RALYL: variants seen among roughly 807,000 people sequenced by gnomAD.
RALYL encodes RNA-binding Raly-like protein.
A neutral mutation model predicts 35.1 loss-of-function variants in RALYL; 29 were observed. The ratio of observed to expected loss-of-function variants is 0.83; its 90% CI spans 0.61 to 1.13. RALYL has a LOEUF of 1.13. RALYL is among the 50% of genes most tolerant of loss of function. The pLI is 0.00. For missense variants in RALYL, 359 were observed against 360.4 expected, an observed-to-expected ratio of 1.00 and a Z score of 0.03; for synonymous variants, 120 against 127.6, an observed-to-expected ratio of 0.94 and a Z score of 0.40.
intron 1 of RALYL, among the ~76,000 whole-genome samples, chr8:84,442,413 A>G (rs2048426727): frequency 6.6e-6 from 1 of 152,148 alleles, no homozygotes; most frequent in Non-Finnish European, 1.5e-5. Context: ...TCTTTATACA[A>G]CGTTTATTGT....
chr8:84,368,561 G>A (rs1376073272), intron 1 of RALYL, among the ~76,000 whole-genome samples: 28 of 151,960 alleles, frequency 1.8e-4, no homozygotes, highest in Admixed American at 1.8e-3. Context: ...ACAGTTCCAC[G>A]TAGCTGGGGA....
At chr8:84,519,878 C>G (rs1226115450) in intron 1 of RALYL, among the ~76,000 whole-genome samples, 6 of 152,136 alleles carry the variant, frequency 3.9e-5, no homozygotes, top group Non-Finnish European at 7.3e-5. Flanking sequence ...TGTTGCTGAC[C>G]AGTCACCAAA....
intron 2 of RALYL, among the ~76,000 whole-genome samples, chr8:84,572,763 C>T (rs116375917): frequency 3.8e-4 from 58 of 151,856 alleles, no homozygotes; most frequent in African/African-American, 1.3e-3. Flanking sequence ...GAAAATGATT[C>T]AGTCTTAAGA....
intron 1 of RALYL, among the ~76,000 whole-genome samples, chr8:84,275,744 C>G: frequency 6.6e-6 from 1 of 152,058 alleles, no homozygotes; most frequent in East Asian, 1.9e-4. Flanking sequence ...GAGATCAACT[C>G]TATTAGACTC....
At chr8:84,201,990 A>G (rs10098439) in intron 1 of RALYL, among the ~76,000 whole-genome samples, 50,201 of 152,004 alleles carry the variant, frequency 0.33, 8,568 homozygotes, top group Middle Eastern at 0.43. Flanking sequence ...AACAGGTGTT[A>G]GGATTTTAAT....
chr8:84,459,241 G>A (rs1275938760), intron 1 of RALYL, among the ~76,000 whole-genome samples: 1 of 151,698 alleles, frequency 6.6e-6, no homozygotes, highest in Admixed American at 6.6e-5. Flanking sequence ...ATCTAAAAGG[G>A]ACAGTTAACC....
At chr8:84,589,432 G>T (rs1403835122) in intron 2 of RALYL, among the ~76,000 whole-genome samples, 2 of 152,108 alleles carry the variant, frequency 1.3e-5, no homozygotes, top group African/African-American at 4.8e-5. Context: ...TGTATTAATA[G>T]ATTAAAACAA....
intron 2 of RALYL, among the ~76,000 whole-genome samples, chr8:84,747,263 A>G (rs1490223825): frequency 6.6e-6 from 1 of 151,872 alleles, no homozygotes; most frequent in Non-Finnish European, 1.5e-5. Flanking sequence ...TTTTATGTAA[A>G]AAAAAAATGG....
intron 4 of RALYL, among the ~76,000 whole-genome samples, chr8:84,834,240 G>A (rs1449254441): frequency 6.6e-6 from 1 of 152,162 alleles, no homozygotes; most frequent in Non-Finnish European, 1.5e-5. Flanking sequence ...GGTTGTGTCA[G>A]TCAGGATCTG....
At chr8:84,282,633 G>A (rs1836792321) in intron 1 of RALYL, among the ~76,000 whole-genome samples, 2 of 151,612 alleles carry the variant, frequency 1.3e-5, no homozygotes, top group Non-Finnish European at 2.9e-5. Flanking sequence ...TGAGGTTTTG[G>A]GATTATTCAG....
chr8:84,324,460 T>C (rs1441955996), intron 1 of RALYL, among the ~76,000 whole-genome samples: 1 of 152,094 alleles, frequency 6.6e-6, no homozygotes, highest in African/African-American at 2.4e-5. Flanking sequence ...CGTGGAGTTC[T>C]TTTGAAGAAT....
chr8:84,348,390 A>G (rs143115689), intron 1 of RALYL, among the ~76,000 whole-genome samples: 2 of 152,052 alleles, frequency 1.3e-5, no homozygotes, highest in Non-Finnish European at 2.9e-5. Flanking sequence ...TTCTACTTAC[A>G]TTGTTGCATT....
chr8:84,735,005 T>TTGTGTG lies in RALYL; in HGVS notation c.257-39546_257-39541dup, dbSNP rs3068131. Among the ~76,000 whole-genome samples, 149 of 146,654 alleles carry TTGTGTG rather than the reference T, an allele frequency of 1.0e-3. 1 individual carries two copies. The South Asian group carries it at 0.016, about 16-fold the overall frequency. The stretch of plus-strand genomic sequence containing the variant: ...AATAAAATGAAATATATAGATATGT[T>TTGTGTG]TGTGTGTGTGTGTGTGTGTGTGTGT... On this transcript the variant is annotated intron_variant, in intron 2 of 8. Transcript: ENST00000521268.
At chr8:84,693,801 A>C (rs1401834292) in intron 2 of RALYL, among the ~76,000 whole-genome samples, 1 of 151,984 alleles carries the variant, frequency 6.6e-6, no homozygotes, top group African/African-American at 2.4e-5. Flanking sequence ...GGATATAAGA[A>C]TCATTCAAAT....
chr8:84,245,542 T>G (rs116994804), intron 1 of RALYL, among the ~76,000 whole-genome samples: 2,888 of 152,258 alleles, frequency 0.019, 42 homozygotes, highest in South Asian at 0.031. Context: ...AGGAGCAAAT[T>G]AGATAATAAG....
chr8:84,462,647 T>A (rs908582213), intron 1 of RALYL, among the ~76,000 whole-genome samples: 2 of 150,772 alleles, frequency 1.3e-5, no homozygotes, highest in African/African-American at 4.9e-5. Context: ...TCTGGCATCA[T>A]TTGTTGTAAA....
intron 4 of RALYL, among the ~76,000 whole-genome samples, chr8:84,814,448 T>G (rs1408919866): frequency 6.6e-6 from 1 of 152,132 alleles, no homozygotes; most frequent in East Asian, 1.9e-4. Context: ...TAGATTTTAA[T>G]GATGAATACT....
intron 2 of RALYL, among the ~76,000 whole-genome samples, chr8:84,748,874 T>C (rs1809272308): frequency 1.3e-5 from 2 of 152,236 alleles, no homozygotes; most frequent in South Asian, 2.1e-4. Flanking sequence ...AGCCGGCATT[T>C]CCCCATCTTC....
chr8:84,380,904 G>A (rs1241431875), intron 1 of RALYL, among the ~76,000 whole-genome samples: 1 of 151,272 alleles, frequency 6.6e-6, no homozygotes, highest in Non-Finnish European at 1.5e-5. Context: ...CTGAGAATGA[G>A]TGTCTTCCCC....
Sources: allele counts gnomAD v4.1 joint callset (sites outside exome capture counted in the v4.1 genomes callset), GRCh38; gene constraint gnomAD v4.1.1; transcripts MANE v1.5; gene names NCBI Gene and HGNC (gene_info 2026-07-23, HGNC 2026-07-21).